The following PCDHGA1 variants were observed in gnomAD, a reference collection of about 807,000 sequenced individuals.
PCDHGA1 encodes the protein protocadherin gamma-A1.
A neutral mutation model predicts 58.0 loss-of-function variants in PCDHGA1; 32 were observed. The ratio of observed to expected loss-of-function variants is 0.55; its 90% CI spans 0.42 to 0.74. The LOEUF is 0.74. PCDHGA1 is among the 30% of genes least tolerant of loss of function. The pLI is 0.00. For synonymous variants in PCDHGA1, 498 were observed against 501.1 expected (o/e 0.99, Z 0.08); for missense variants, 1,205 against 1,182.3 (o/e 1.02, Z -0.28).
rs57426385 is a variant in PCDHGA1, at chr5:141,415,740, G to GTTTTTTTTTTTT, written c.2422-79046_2422-79035dup. 137 of 625,016 alleles carry GTTTTTTTTTTTT rather than the reference G, an allele frequency of 2.2e-4. 2 individuals carry two copies. The highest frequency in any genetic ancestry group is 3.5e-4 in the Admixed American group (5 of 14,120). The allele number at this position is 625,016 out of a possible 1,614,324, so 38.7% of individuals were successfully genotyped here. On this transcript the variant is annotated intron_variant, in intron 1 of 3. Coordinates refer to ENST00000517417, the MANE Select transcript of PCDHGA1 (RefSeq NM_018912.3). ...TGAGTAGAATTTGATGTTTATTAAG[G>GTTTTTTTTTTTT]TTTTTTTTTTTTTTTTTTTTTTTTT... is the stretch of plus-strand genomic sequence containing the variant.
chr5:141,358,034 C>G (rs1045447610), intron 1 of PCDHGA1, among the ~76,000 whole-genome samples: 1 of 152,074 alleles, frequency 6.6e-6, no homozygotes, highest in African/African-American at 2.4e-5. Flanking sequence ...TACTAAAATA[C>G]AAAAAGTTAG....
chr5:141,359,472 T>G (rs1033870271), intron 1 of PCDHGA1, among the ~76,000 whole-genome samples: 1 of 151,384 alleles, frequency 6.6e-6, no homozygotes, highest in African/African-American at 2.4e-5. Flanking sequence ...ATTAAACAAA[T>G]TGTTGTATAT....
chr5:141,462,462 T>G (rs570804965), intron 1 of PCDHGA1, among the ~76,000 whole-genome samples: 1 of 152,346 alleles, frequency 6.6e-6, no homozygotes, highest in Middle Eastern at 3.4e-3. Flanking sequence ...CTGAAAACTG[T>G]GTATTCTGCT....
chr5:141,425,555 A>C (rs1282440598), intron 1 of PCDHGA1, among the ~76,000 whole-genome samples: 2 of 152,388 alleles, frequency 1.3e-5, no homozygotes, highest in Middle Eastern at 6.8e-3. Context: ...AACCTCTTTT[A>C]TAAGTGATAA....
intron 1 of PCDHGA1, chr5:141,356,690 A>G: frequency 6.2e-7 from 1 of 1,614,024 alleles, no homozygotes; most frequent in Non-Finnish European, 8.5e-7. Flanking sequence ...GACACCTTCC[A>G]GGGTGCACCT....
rs765123370 is a variant in PCDHGA1, at chr5:141,365,478, C to A, written c.2421+32373C>A. On this transcript the variant is annotated intron_variant, in intron 1 of 3. Coordinates refer to ENST00000517417, the MANE Select transcript of PCDHGA1 (RefSeq NM_018912.3). ...GATTCTGGAGAAAATGGTGAGATTGCATGCTCTATTCCTAGGAATTTGCCT... is the reference window on the plus strand; with the variant it reads ...GATTCTGGAGAAAATGGTGAGATTGAATGCTCTATTCCTAGGAATTTGCCT... The A allele has an allele frequency of 8.1e-6, 13 of 1,614,014 alleles. No homozygotes were observed. In the South Asian group the frequency reaches 1.4e-4, roughly 18 times the overall value.
intron 1 of PCDHGA1, chr5:141,340,446 C>T (rs993292970): frequency 1.9e-6 from 3 of 1,614,112 alleles, no homozygotes; most frequent in Non-Finnish European, 2.5e-6. Context: ...TACTCTTTCG[C>T]GGAGGACACT....
intron 1 of PCDHGA1, chr5:141,441,669 T>C: frequency 3.5e-6 from 1 of 287,870 alleles, no homozygotes; most frequent in Non-Finnish European, 6.8e-6. Context: ...GAGCGCACAG[T>C]GCGCCTTCGA....
Position 141,339,046 on chromosome 5 carries a change from G to C in PCDHGA1, c.2421+5941G>C, listed in dbSNP as rs527363897. 6.5e-5 allele frequency: 104 copies of C among 1,609,810 alleles called. 2 individuals carry two copies. In the South Asian group the frequency reaches 1.1e-3, roughly 16 times the overall value. ...GCTTCCTTTTGGCGACCCTGTGGGA[G>C]GCCAGGGCCGGGCAGATTCGCTATT... On this transcript the variant is annotated intron_variant, in intron 1 of 3. Transcript: ENST00000517417.
At chr5:141,340,305 T>A in intron 1 of PCDHGA1, 1 of 1,614,132 alleles carries the variant, frequency 6.2e-7, no homozygotes, top group Non-Finnish European at 8.5e-7. Context: ...GTGGCAGACA[T>A]CAACGACAAC....
chr5:141,389,274 C>A, intron 1 of PCDHGA1: 1 of 1,614,032 alleles, frequency 6.2e-7, no homozygotes, highest in Non-Finnish European at 8.5e-7. Flanking sequence ...CGAGAACAAC[C>A]CGCCTGGAGC....
chr5:141,352,089 C>T (rs1758913070), intron 1 of PCDHGA1: 1 of 1,605,188 alleles, frequency 6.2e-7, no homozygotes, highest in Non-Finnish European at 8.5e-7. Flanking sequence ...GCCAGCGAGC[C>T]CGGGCTCTTC....
At position 141,377,829 on chromosome 5, in the gene PCDHGA1, C is replaced by A. The variant is rs970459356; in HGVS notation, c.2421+44724C>A. On this transcript the variant is annotated intron_variant, in intron 1 of 3. Transcript: ENST00000517417. ...GTTATTTACTTGGGCCAGTTACAAT[C>A]GCCATTATCTTCCAATTAAAATTAA... 4 of 152,110 alleles carry A rather than the reference C, an allele frequency of 2.6e-5. No individual in the cohort carries two copies. In the South Asian group the frequency reaches 6.2e-4, roughly 24 times the overall value. The allele number at this position is 152,110 out of a possible 1,614,324, so 9.4% of individuals were successfully genotyped here.
At chr5:141,416,657 A>C (rs1194195210) in intron 1 of PCDHGA1, 6 of 152,232 alleles carry the variant, frequency 3.9e-5, no homozygotes, top group Non-Finnish European at 7.3e-5. Context: ...TGTAAAAAAG[A>C]AAAGAATATA....
At chr5:141,375,843 T>A (rs762152746) in intron 1 of PCDHGA1, 20 of 1,613,928 alleles carry the variant, frequency 1.2e-5, no homozygotes, top group Non-Finnish European at 1.6e-5. Context: ...CCCGGCTACC[T>A]GGTGACCAAG....
rs756971733 is a variant in PCDHGA1 at position 141,375,686 on chromosome 5, A to G, written c.2421+42581A>G. On this transcript the variant is annotated intron_variant, in intron 1 of 3. Coordinates refer to ENST00000517417, the MANE Select transcript of PCDHGA1 (RefSeq NM_018912.3). Reference sequence around the variant, plus strand: ...AGACCTACAGCTGTGGGTGACAGCCAGCGACAGCGGGGACCCGCCTCTTAG... The same window carrying G: ...AGACCTACAGCTGTGGGTGACAGCCGGCGACAGCGGGGACCCGCCTCTTAG... 1.9e-6 allele frequency: 3 copies of G among 1,614,122 alleles called. No individual in the cohort carries two copies. Among genetic ancestry groups the G allele is most frequent in the East Asian group, 2.2e-5 (1 of 44,894 alleles).
At chr5:141,393,075 G>A in intron 1 of PCDHGA1, 1 of 1,613,702 alleles carries the variant, frequency 6.2e-7, no homozygotes, top group Non-Finnish European at 8.5e-7. Context: ...GATCACCGCG[G>A]GCAGGATAGA....
In PCDHGA1 at chr5:141,356,690, A is replaced by C. The variant is rs572628433; in HGVS notation, c.2421+23585A>C. ...TACTCCCTGGCCGAAGACACCTTCC[A>C]GGGTGCACCTCTGTCCTCCTATGTC... is the stretch of plus-strand genomic sequence containing the variant. On this transcript the variant is annotated intron_variant, in intron 1 of 3. Coordinates refer to ENST00000517417, the MANE Select transcript of PCDHGA1 (RefSeq NM_018912.3). 3 of 1,614,024 alleles carry C rather than the reference A, an allele frequency of 1.9e-6. No individual in the cohort carries two copies. The South Asian group carries it at 3.3e-5, about 18-fold the overall frequency.
At chr5:141,403,905 A>G in intron 1 of PCDHGA1, 1 of 1,613,894 alleles carries the variant, frequency 6.2e-7, no homozygotes, top group Non-Finnish European at 8.5e-7. Context: ...TATGAAATGG[A>G]AATACAAGCT....
Sources: allele counts gnomAD v4.1 joint callset (sites outside exome capture counted in the v4.1 genomes callset), GRCh38; gene constraint gnomAD v4.1.1; transcripts MANE v1.5; gene names NCBI Gene and HGNC (gene_info 2026-07-23, HGNC 2026-07-21).